TDRD3: variants seen among roughly 807,000 people sequenced by gnomAD.
TDRD3 encodes tudor domain-containing protein 3.
A neutral mutation model predicts 86.7 loss-of-function variants in TDRD3; 45 were observed. That is an observed-to-expected ratio of 0.52 (90% CI 0.41 to 0.67). TDRD3 has a LOEUF of 0.67. TDRD3 is among the 30% of genes least tolerant of loss of function. TDRD3 has a pLI of 0.00. For missense variants in TDRD3, 814 were observed against 889.0 expected (o/e 0.92, Z 1.07); for synonymous variants, 298 against 301.7 (o/e 0.99, Z 0.13).
At position 60,412,784 on chromosome 13, in the gene TDRD3, T is replaced by C. The variant is rs139365097; in HGVS notation, c.41+15379T>C. On this transcript the variant is annotated intron_variant, in intron 1 of 13. Coordinates refer to ENST00000377881, the MANE Select transcript of TDRD3 (RefSeq NM_001146070.2). Reference sequence around the variant, plus strand: ...TTGAATTGGACTGTTAGTGGTCTTTTAAAATGGTTTACCTTATCGCAGTAG... The same window carrying C: ...TTGAATTGGACTGTTAGTGGTCTTTCAAAATGGTTTACCTTATCGCAGTAG... Among the ~76,000 whole-genome samples, 4 of 152,280 alleles carry C rather than the reference T, an allele frequency of 2.6e-5. No homozygotes were observed. The East Asian group carries it at 7.7e-4, about 29-fold the overall frequency.
chr13:60,457,689 G>C (rs144717742), intron 3 of TDRD3, among the ~76,000 whole-genome samples: 1,695 of 152,296 alleles, frequency 0.011, 40 homozygotes, highest in African/African-American at 0.039. Flanking sequence ...CAGTTTTGTA[G>C]GCCAGAAGTT....
intron 12 of TDRD3, among the ~76,000 whole-genome samples, chr13:60,544,029 G>A (rs1332523547): frequency 2.0e-5 from 3 of 150,644 alleles, no homozygotes; most frequent in Non-Finnish European, 4.4e-5. Context: ...CAGCAGTGAG[G>A]TATTTTCATC....
intron 10 of TDRD3, among the ~76,000 whole-genome samples, chr13:60,517,099 A>G (rs1957189516): frequency 6.6e-6 from 1 of 152,172 alleles, no homozygotes; most frequent in Non-Finnish European, 1.5e-5. Context: ...GCAGATATAA[A>G]GATACATTAA....
intron 9 of TDRD3, 112 bp from the exon 10 acceptor site, chr13:60,510,517 AT>A: frequency 8.8e-7 from 1 of 1,140,854 alleles, no homozygotes; most frequent in Non-Finnish European, 1.1e-6. Flanking sequence ...TATACAAAAA[AT>A]ATGAAAAGAA....
At chr13:60,483,717 T>C in intron 5 of TDRD3, 58 bp from the exon 6 acceptor site, 1 of 1,502,154 alleles carries the variant, frequency 6.7e-7, no homozygotes, top group Non-Finnish European at 9.1e-7. Context: ...ACATTATAAA[T>C]GCTGGAAATA....
At chr13:60,521,278 C>T (rs1210082222) in intron 10 of TDRD3, among the ~76,000 whole-genome samples, 1 of 152,110 alleles carries the variant, frequency 6.6e-6, no homozygotes, top group African/African-American at 2.4e-5. Context: ...CAATTTTGAA[C>T]TTGGAGGCTT....
chr13:60,534,109 G>C (rs1212064164), intron 11 of TDRD3, among the ~76,000 whole-genome samples: 1 of 152,286 alleles, frequency 6.6e-6, no homozygotes, highest in East Asian at 1.9e-4. Flanking sequence ...CCAAGAGTTT[G>C]AGACCAGCTT....
chr13:60,415,863 C>G (rs921216690), intron 1 of TDRD3, among the ~76,000 whole-genome samples: 9 of 151,986 alleles, frequency 5.9e-5, no homozygotes, highest in Admixed American at 3.3e-4. Flanking sequence ...CAAGCAAAGA[C>G]AATTTACGGA....
intron 8 of TDRD3, among the ~76,000 whole-genome samples, chr13:60,497,983 G>A (rs746989004): frequency 7.2e-5 from 11 of 151,906 alleles, no homozygotes; most frequent in African/African-American, 1.2e-4. Context: ...ATTGCAGCTC[G>A]GGGGGTTAAA....
At chr13:60,536,248 T>C (rs979270736) in intron 12 of TDRD3, 6 of 152,028 alleles carry the variant, frequency 3.9e-5, no homozygotes, top group Non-Finnish European at 8.8e-5. Flanking sequence ...GGATCTTTAT[T>C]TTTTGCCTTT....
chr13:60,567,447 T>C lies in TDRD3; in HGVS notation c.2119-78T>C, dbSNP rs1958486148. 6 of 1,588,434 alleles carry C rather than the reference T, an allele frequency of 3.8e-6. No homozygotes were observed. In the Admixed American group the frequency reaches 5.0e-5, roughly 13 times the overall value. On this transcript the variant is annotated intron_variant, in intron 12 of 13. Coordinates refer to ENST00000377881, the MANE Select transcript of TDRD3 (RefSeq NM_001146070.2). ...CAGCTTAAGAGAGATATTATTAAAATAGGGACCATACAATTTTTTTTACTT... is the reference window on the plus strand; with the variant it reads ...CAGCTTAAGAGAGATATTATTAAAACAGGGACCATACAATTTTTTTTACTT...
chr13:60,397,450 G>C (rs1472108368), intron 1 of TDRD3, 45 bp downstream of exon 1: 13 of 1,460,442 alleles, frequency 8.9e-6, no homozygotes, highest in South Asian at 1.3e-5. Context: ...GGTGCGGGCC[G>C]GGGCCCCAGG....
intron 13 of TDRD3, among the ~76,000 whole-genome samples, chr13:60,571,407 A>G (rs1173339963): frequency 3.9e-5 from 6 of 152,180 alleles, no homozygotes; most frequent in African/African-American, 2.4e-5. Context: ...AAAGATAAAC[A>G]TTGTAGCCAG....
chr13:60,534,979 T>C, intron 11 of TDRD3, 129 bp from the exon 12 acceptor site: 1 of 883,454 alleles, frequency 1.1e-6, no homozygotes. Flanking sequence ...CTCAAAAGGG[T>C]TCCAAAGGTA....
At chr13:60,472,691 G>A (rs1005969245) in intron 5 of TDRD3, among the ~76,000 whole-genome samples, 6 of 152,166 alleles carry the variant, frequency 3.9e-5, no homozygotes, top group African/African-American at 1.4e-4. Flanking sequence ...ATGGAAAACA[G>A]GTCTTGAAGA....
At chr13:60,402,499 T>C (rs935053773) in intron 1 of TDRD3, among the ~76,000 whole-genome samples, 2 of 152,148 alleles carry the variant, frequency 1.3e-5, no homozygotes, top group African/African-American at 4.8e-5. Flanking sequence ...CTTTATAAGG[T>C]TTAATATTAA....
intron 7 of TDRD3, among the ~76,000 whole-genome samples, chr13:60,491,347 C>T (rs1956583891): frequency 6.6e-6 from 1 of 152,024 alleles, no homozygotes; most frequent in Non-Finnish European, 1.5e-5. Flanking sequence ...ATAATAGATA[C>T]ATGCACTTGA....
At chr13:60,534,402 A>G (rs1316377513) in intron 11 of TDRD3, among the ~76,000 whole-genome samples, 1 of 152,182 alleles carries the variant, frequency 6.6e-6, no homozygotes, top group African/African-American at 2.4e-5. Context: ...ATCAGTTCTT[A>G]GAGCTGGCTA....
chr13:60,401,721 TAA>T, intron 1 of TDRD3, among the ~76,000 whole-genome samples: 1 of 152,306 alleles, frequency 6.6e-6, no homozygotes, highest in South Asian at 2.1e-4. Flanking sequence ...ATGGAGAGGA[TAA>T]ACAAAGGTCT....
Sources: allele counts gnomAD v4.1 joint callset (sites outside exome capture counted in the v4.1 genomes callset), GRCh38; gene constraint gnomAD v4.1.1; transcripts MANE v1.5; gene names NCBI Gene and HGNC (gene_info 2026-07-23, HGNC 2026-07-21).